ESYT2: variants seen among roughly 807,000 people sequenced by gnomAD.
ESYT2 encodes extended synaptotagmin-2.
A neutral mutation model predicts 107.2 loss-of-function variants in ESYT2; 54 were observed. The observed-to-expected ratio is 0.50, with a 90% CI of 0.40 to 0.63. ESYT2 has a LOEUF of 0.63. Among genes scored for constraint, ESYT2 ranks in the 30% least tolerant of loss-of-function variants. ESYT2 has a pLI of 0.00. For missense variants in ESYT2, 1,020 were observed against 1,094.5 expected (o/e 0.93, Z 0.96); for synonymous variants, 491 against 434.1 (o/e 1.13, Z -1.63).
intron 16 of ESYT2, among the ~76,000 whole-genome samples, chr7:158,744,529 TA>T (rs1837333852): frequency 6.6e-6 from 1 of 152,160 alleles, no homozygotes; most frequent in African/African-American, 2.4e-5. Context: ...GCAAGGCATT[TA>T]AAAATTTTTT....
chr7:158,780,429 G>A (rs778067306), intron 6 of ESYT2, among the ~76,000 whole-genome samples: 1 of 152,206 alleles, frequency 6.6e-6, no homozygotes, highest in Non-Finnish European at 1.5e-5. Context: ...TTTAATCTCA[G>A]ATGAGGAACC....
At chr7:158,824,942 A>C (rs1840395632) in intron 1 of ESYT2, among the ~76,000 whole-genome samples, 1 of 152,156 alleles carries the variant, frequency 6.6e-6, no homozygotes, top group Non-Finnish European at 1.5e-5. Flanking sequence ...GCTTGAGCCC[A>C]AGAGTTGAGC....
At chr7:158,800,728 TC>T (rs66751045) in intron 1 of ESYT2, among the ~76,000 whole-genome samples, 14,602 of 147,632 alleles carry the variant, frequency 0.099, 796 homozygotes, top group African/African-American at 0.12. Context: ...TTTTTTCTTT[TC>T]TTTTCTTTTT....
intron 6 of ESYT2, among the ~76,000 whole-genome samples, chr7:158,775,685 T>C (rs1221407485): frequency 6.6e-6 from 1 of 152,184 alleles, no homozygotes; most frequent in African/African-American, 2.4e-5. Context: ...CCACCTGCAC[T>C]TCCTTCTTCC....
chr7:158,771,485 G>A (rs926725577), intron 7 of ESYT2, among the ~76,000 whole-genome samples: 1 of 152,240 alleles, frequency 6.6e-6, no homozygotes, highest in African/African-American at 2.4e-5. Flanking sequence ...GCAGGAATCT[G>A]TCCAAGGGTG....
intron 6 of ESYT2, among the ~76,000 whole-genome samples, chr7:158,778,097 A>T (rs1402818790): frequency 1.3e-5 from 2 of 152,200 alleles, no homozygotes; most frequent in East Asian, 3.8e-4. Context: ...CAGTCTTGTT[A>T]CTTTAAGAAA....
At position 158,779,502 on chromosome 7, in the gene ESYT2, C is replaced by T. The variant is rs75764327; in HGVS notation, c.748-6106G>A. On this transcript the variant is annotated intron_variant, in intron 6 of 22. Coordinates refer to ENST00000275418, the MANE Select transcript of ESYT2 (RefSeq NM_001367773.1). The stretch of plus-strand genomic sequence containing the variant: ...CCTAGAACTGAGAAAATCATTTATT[C>T]TAGTTTCACAGTTAAGTAAACTAAG... Among the ~76,000 whole-genome samples the T allele has an allele frequency of 2.2e-4, 34 of 152,324 alleles. 1 individual carries two copies. Among genetic ancestry groups the T allele is most frequent in the South Asian group, 1.9e-3 (9 of 4,826 alleles).
chr7:158,799,741 T>C (rs1839575293), intron 1 of ESYT2, among the ~76,000 whole-genome samples: 1 of 152,176 alleles, frequency 6.6e-6, no homozygotes, highest in Non-Finnish European at 1.5e-5. Flanking sequence ...CTCCTCTCCA[T>C]ACCATCATCT....
At chr7:158,779,272 G>A (rs1365488438) in intron 6 of ESYT2, among the ~76,000 whole-genome samples, 1 of 152,210 alleles carries the variant, frequency 6.6e-6, no homozygotes, top group Non-Finnish European at 1.5e-5. Flanking sequence ...GCCAGGTGTA[G>A]TGGCACAAGG....
In ESYT2 at chr7:158,734,017, T is replaced by C. The variant is rs1836831185; in HGVS notation, c.*190A>G. 6.1e-6 allele frequency: 4 copies of C among 654,656 alleles called. No individual in the cohort carries two copies. In the South Asian group the frequency reaches 7.9e-5, roughly 13 times the overall value. The allele number at this position is 654,656 out of a possible 1,614,324, so 40.6% of individuals were successfully genotyped here. ...GGAACTGGCGAAATCCTAGAGGAAA[T>C]CCAACACAGAAAATTCAATGATAAT... On this transcript the variant is annotated 3_prime_UTR_variant, in exon 23 of 23. Coordinates refer to ENST00000275418, the MANE Select transcript of ESYT2 (RefSeq NM_001367773.1).
chr7:158,734,202 T>G lies in ESYT2; in HGVS notation c.*5A>C, dbSNP rs761031687. On this transcript the variant is annotated 3_prime_UTR_variant, in exon 23 of 23. Coordinates refer to ENST00000275418, the MANE Select transcript of ESYT2 (RefSeq NM_001367773.1). ...GCTGAAGAGGACGCCTCCTGCCTGC[T>G]GCGGCTATGTCATCGCCTGAGGCCT... 2.1e-5 allele frequency: 34 copies of G among 1,614,022 alleles called. No homozygotes were observed. The highest frequency in any genetic ancestry group is 3.4e-6 in the Non-Finnish European group (4 of 1,180,042).
At position 158,734,691 on chromosome 7, in the gene ESYT2, G is replaced by T. The variant is rs756444956; in HGVS notation, c.2506-220C>A. Among the ~76,000 whole-genome samples the T allele has an allele frequency of 3.9e-4, 59 of 152,382 alleles. No individual in the cohort carries two copies. The Middle Eastern group carries it at 0.01, about 26-fold the overall frequency. On this transcript the variant is annotated intron_variant, in intron 21 of 22. Coordinates refer to ENST00000275418, the MANE Select transcript of ESYT2 (RefSeq NM_001367773.1). ...CTTGGTCCCAGCAACTCGGGAGGCTGAGACAGCAATTGCTGGAGCCCAGGC... is the reference window on the plus strand; with the variant it reads ...CTTGGTCCCAGCAACTCGGGAGGCTTAGACAGCAATTGCTGGAGCCCAGGC...
chr7:158,782,378 A>G (rs1838906106), intron 6 of ESYT2, among the ~76,000 whole-genome samples: 1 of 51,320 alleles, frequency 1.9e-5, no homozygotes, highest in African/African-American at 7.9e-5. Context: ...GTGTGAGAAC[A>G]AAGTGAGGTA....
chr7:158,742,549 G>A (rs1837252619), intron 17 of ESYT2, among the ~76,000 whole-genome samples: 1 of 152,222 alleles, frequency 6.6e-6, no homozygotes, highest in Admixed American at 6.5e-5. Context: ...CCAGAGGGAG[G>A]AAGAAAGTCC....
intron 21 of ESYT2, among the ~76,000 whole-genome samples, chr7:158,735,181 G>A (rs991611033): frequency 4.6e-5 from 7 of 152,226 alleles, no homozygotes; most frequent in Middle Eastern, 3.4e-3. Flanking sequence ...TGTGAAATAC[G>A]GACAAAGAGT....
rs1021934107 is a variant in ESYT2, at chr7:158,819,958, G to A, written c.330+9131C>T. Reference sequence around the variant, plus strand: ...GTGTGGTTATCACTAATTCCAGCACGCAATCACCAAGCACAAAACTGAAGC... The same window carrying A: ...GTGTGGTTATCACTAATTCCAGCACACAATCACCAAGCACAAAACTGAAGC... On this transcript the variant is annotated intron_variant, in intron 1 of 22. Transcript: ENST00000275418. Among the ~76,000 whole-genome samples the A allele has an allele frequency of 7.2e-5, 11 of 151,952 alleles. No homozygotes were observed. The East Asian group carries it at 1.6e-3, about 21-fold the overall frequency.
Position 158,759,621 on chromosome 7 carries a change from A to G in ESYT2, c.1324-40T>C, listed in dbSNP as rs2129472083. On this transcript the variant is annotated intron_variant, in intron 12 of 22. Coordinates refer to ENST00000275418, the MANE Select transcript of ESYT2 (RefSeq NM_001367773.1). ...AAAAGCCCTTAGCAGCCATGTTTCC[A>G]CAGGATTAGATACTATTTCTATCTG... 3.9e-6 allele frequency: 6 copies of G among 1,524,672 alleles called. No homozygotes were observed. The East Asian group carries it at 1.1e-4, about 29-fold the overall frequency. The allele number at this position is 1,524,672 out of a possible 1,614,324, so 94.4% of individuals were successfully genotyped here.
intron 1 of ESYT2, among the ~76,000 whole-genome samples, chr7:158,824,221 A>G (rs886390936): frequency 3.9e-5 from 6 of 152,164 alleles, no homozygotes; most frequent in African/African-American, 1.4e-4. Flanking sequence ...AAGAAACCCA[A>G]GCAGCATCCT....
intron 1 of ESYT2, among the ~76,000 whole-genome samples, chr7:158,819,756 C>T (rs755135979): frequency 6.6e-6 from 1 of 151,856 alleles, no homozygotes; most frequent in Non-Finnish European, 1.5e-5. Flanking sequence ...CTAGCCATAA[C>T]ATAAGAAATG....
Sources: gnomAD v4.1 joint callset for allele counts (sites outside exome capture counted in the v4.1 genomes callset) on GRCh38, gnomAD v4.1.1 for gene constraint, MANE v1.5 for transcripts, NCBI Gene and HGNC (gene_info 2026-07-23, HGNC 2026-07-21) for gene names.